ADAM20: variants seen among roughly 807,000 people sequenced by gnomAD.
ADAM20 encodes ADAM metallopeptidase domain 20, also known as disintegrin and metalloproteinase domain-containing protein 20.
For synonymous variants in ADAM20, 305 were observed against 310.2 expected, an observed-to-expected ratio of 0.98 and a Z score of 0.18; for missense variants, 871 against 883.2, an observed-to-expected ratio of 0.99 and a Z score of 0.18.
At chr14:70,553,526 A>T in the ADAM20 span, among the ~76,000 whole-genome samples, 4 of 75,468 alleles carry the variant, frequency 5.3e-5, no homozygotes, top group South Asian at 4.9e-4. Context: ...CAAAAATCCT[A>T]AAAAAAAAAA....
In ADAM20 at chr14:70,522,661, A is replaced by G; in HGVS notation, c.2097T>C (p.Leu699=). 3.1e-6 allele frequency: 5 copies of G among 1,613,980 alleles called. No homozygotes were observed. Among genetic ancestry groups the G allele is most frequent in the Non-Finnish European group, 4.2e-6 (5 of 1,179,902 alleles). ...GKLRYLSLLC[L]LPLVAFLLFC... is the part of the protein sequence containing the mutation. ...ATAATAAAAAAGCAACCAAAGGAAG[A>G]AGGCACAATAGTGACAGGTAACGCA... Residue 699 remains leucine, a synonymous_variant, in exon 2 of 2, where the codon CTT becomes CTC. Coordinates refer to ENST00000256389, the MANE Select transcript of ADAM20 (RefSeq NM_003814.5).
At chr14:70,562,751 C>T in the ADAM20 span, among the ~76,000 whole-genome samples, 1 of 152,186 alleles carries the variant, frequency 6.6e-6, no homozygotes, top group Non-Finnish European at 1.5e-5. Flanking sequence ...CGCCTTCTGC[C>T]ATGATTGTAA....
the ADAM20 span, among the ~76,000 whole-genome samples, chr14:70,569,315 A>C: frequency 2.0e-5 from 3 of 152,228 alleles, no homozygotes; most frequent in Non-Finnish European, 2.9e-5. Context: ...TGCTACCATA[A>C]AACAACACAT....
the ADAM20 span, among the ~76,000 whole-genome samples, chr14:70,561,356 AAG>A: frequency 6.6e-6 from 1 of 152,258 alleles, no homozygotes; most frequent in Non-Finnish European, 1.5e-5. Context: ...TTCATGAAGA[AAG>A]AGATGGTGTG....
chr14:70,562,873 T>G, the ADAM20 span, among the ~76,000 whole-genome samples: 2 of 152,324 alleles, frequency 1.3e-5, no homozygotes, highest in South Asian at 4.1e-4. Flanking sequence ...TATAGCAGTG[T>G]GAGAACAAAC....
the ADAM20 span, among the ~76,000 whole-genome samples, chr14:70,575,050 A>G: frequency 6.6e-6 from 1 of 152,058 alleles, no homozygotes; most frequent in Non-Finnish European, 1.5e-5. Flanking sequence ...GGGAAGAAAC[A>G]TGAAATTGTT....
the ADAM20 span, among the ~76,000 whole-genome samples, chr14:70,573,690 AAAGAT>A: frequency 5.3e-5 from 8 of 152,364 alleles, 1 homozygote; most frequent in Middle Eastern, 0.01. Flanking sequence ...AAGGGATAGA[AAAGAT>A]ATTTCATGAA....
rs1468662396 is a variant in ADAM20 at position 70,523,435 on chromosome 14, TAG to T, written c.1321_1322del (p.Leu441ThrfsTer25). 1.2e-6 allele frequency: 2 copies of T among 1,614,072 alleles called. No individual in the cohort carries two copies. Among genetic ancestry groups the T allele is most frequent in the East Asian group, 4.5e-5 (2 of 44,876 alleles). ...KDPCCLLNCT[L>X]HPGAACAFGI... ...CAAAAGCACAAGCAGCCCCAGGATG[TAG>T]AGTACAGTTTAACAGACAACAGGGA... On this transcript the variant is annotated frameshift_variant, in exon 2 of 2. Transcript: ENST00000256389. LOFTEE classifies it low-confidence loss of function (END_TRUNC).
intron 1 of ADAM20, among the ~76,000 whole-genome samples, chr14:70,531,395 G>A (rs1388962248): frequency 6.6e-6 from 1 of 152,070 alleles, no homozygotes; most frequent in African/African-American, 2.4e-5. Flanking sequence ...AAAGTACACA[G>A]CTAACATTGT....
chr14:70,529,932 C>A (rs181298076), intron 1 of ADAM20, among the ~76,000 whole-genome samples: 1 of 152,132 alleles, frequency 6.6e-6, no homozygotes, highest in Admixed American at 6.5e-5. Flanking sequence ...AACTTCTTGA[C>A]TGTTTTGTAA....
At chr14:70,534,600 G>C (rs1286317540) in intron 1 of ADAM20, among the ~76,000 whole-genome samples, 197 bp downstream of exon 1, 1 of 152,098 alleles carries the variant, frequency 6.6e-6, no homozygotes. Flanking sequence ...CACTTACGAG[G>C]TATCTAAAGT....
chr14:70,555,244 C>T, the ADAM20 span, among the ~76,000 whole-genome samples: 1 of 152,000 alleles, frequency 6.6e-6, no homozygotes, highest in Non-Finnish European at 1.5e-5. Flanking sequence ...ATTTACTAAG[C>T]AGGTAGATCT....
Position 70,523,212 on chromosome 14 carries a change from T to C in ADAM20, c.1546A>G (p.Lys516Glu). ...KTCNNHDIQC[K>E]EIFGQDARSA... ...CTTGCATCTTGGCCAAAAATCTCTT[T>C]ACATTGTATATCATGGTTATTACAC... Residue 516 changes from lysine to glutamate, a missense_variant, in exon 2 of 2, where the codon AAA becomes GAA. Physicochemically the swap from Lys to Glu is moderately conservative, Grantham distance 56. Transcript: ENST00000256389. 1 of 1,614,066 alleles carries C rather than the reference T, an allele frequency of 6.2e-7. No homozygotes were observed. Among genetic ancestry groups the C allele is most frequent in the Non-Finnish European group, 8.5e-7 (1 of 1,179,938 alleles).
chr14:70,571,345 G>C, the ADAM20 span, among the ~76,000 whole-genome samples: 1 of 152,186 alleles, frequency 6.6e-6, no homozygotes, highest in Non-Finnish European at 1.5e-5. Flanking sequence ...TCTTGGGATA[G>C]TGAATCAGTT....
chr14:70,543,700 T>C, the ADAM20 span, among the ~76,000 whole-genome samples: 14 of 152,256 alleles, frequency 9.2e-5, no homozygotes, highest in Admixed American at 3.3e-4. Flanking sequence ...ACTGACAGGA[T>C]CATGGCCATT....
the ADAM20 span, among the ~76,000 whole-genome samples, chr14:70,563,690 C>CT: frequency 1.3e-4 from 20 of 148,646 alleles, no homozygotes; most frequent in South Asian, 2.0e-3. Flanking sequence ...GACCTGGCTG[C>CT]TGTAAAGTGT....
chr14:70,574,634 C>A, the ADAM20 span, among the ~76,000 whole-genome samples: 1 of 149,358 alleles, frequency 6.7e-6, no homozygotes, highest in South Asian at 2.1e-4. Context: ...AGCGAGACTC[C>A]GTCTCAAAAA....
At position 70,523,252 on chromosome 14, in the gene ADAM20, G is replaced by T. The variant is rs765724575; in HGVS notation, c.1506C>A (p.Phe502Leu). The stretch of plus-strand genomic sequence containing the variant: ...GGTTATTACACGTCTTTTCATAGCA[G>T]AAGGCATTCACATTACAGGAGATCC... ...QDGISCNVNA[F>L]CYEKTCNNHD... The change falls in exon 2 of 2, where the codon TTC becomes TTA. Residue 502 changes from phenylalanine (F) to leucine (L), a missense_variant. Phe to Leu is a conservative substitution (Grantham distance 22). Coordinates refer to ENST00000256389, the MANE Select transcript of ADAM20 (RefSeq NM_003814.5). 4 of 1,613,948 alleles carry T rather than the reference G, an allele frequency of 2.5e-6. No homozygotes were observed. In the East Asian group the frequency reaches 8.9e-5, roughly 36 times the overall value.
the ADAM20 span, among the ~76,000 whole-genome samples, chr14:70,541,068 G>A: frequency 6.6e-6 from 1 of 152,066 alleles, no homozygotes; most frequent in Non-Finnish European, 1.5e-5. Flanking sequence ...TGGGATTACA[G>A]GTGTGCGCCA....
Sources: allele counts gnomAD v4.1 joint callset (sites outside exome capture counted in the v4.1 genomes callset), GRCh38; gene constraint gnomAD v4.1.1; transcripts MANE v1.5; gene names NCBI Gene and HGNC (gene_info 2026-07-23, HGNC 2026-07-21).